The following PLXNA4 variants were observed in gnomAD, a reference collection of about 807,000 sequenced individuals.
PLXNA4 encodes the protein plexin A4.
In PLXNA4, 44 loss-of-function variants were observed where a neutral mutation model predicts 191.8. That is an observed-to-expected ratio of 0.23 (90% CI 0.18 to 0.29). The LOEUF (loss-of-function observed/expected upper bound fraction) is 0.29, where lower values mean the gene tolerates loss of function less well. Among genes scored for constraint, PLXNA4 ranks in the 10% least tolerant of loss-of-function variants. The probability of loss-of-function intolerance (pLI) is 1.00; values close to 1 mark genes in which losing one functional copy is unlikely to be tolerated. For missense variants in PLXNA4, 1,800 were observed against 2,488.8 expected, an observed-to-expected ratio of 0.72 and a Z score of 5.89; for synonymous variants, 1,082 against 1,009.5, an observed-to-expected ratio of 1.07 and a Z score of -1.36.
intron 10 of PLXNA4, among the ~76,000 whole-genome samples, chr7:132,205,400 A>G (rs755141456): frequency 2.6e-5 from 4 of 152,188 alleles, no homozygotes; most frequent in African/African-American, 4.8e-5. Context: ...TTAAAGTTAG[A>G]GAATCCCTGC....
At chr7:132,390,542 A>G (rs1011001552) in intron 3 of PLXNA4, among the ~76,000 whole-genome samples, 2 of 152,138 alleles carry the variant, frequency 1.3e-5, no homozygotes, top group Non-Finnish European at 2.9e-5. Context: ...TTCTGCATAT[A>G]TACCCCAGAA....
At chr7:132,368,571 T>C (rs1804289655) in intron 3 of PLXNA4, among the ~76,000 whole-genome samples, 2 of 152,166 alleles carry the variant, frequency 1.3e-5, no homozygotes, top group Non-Finnish European at 2.9e-5. Flanking sequence ...ACCTGGAGTG[T>C]CTAGAGTGGG....
At chr7:132,592,846 T>G (rs1802625534) in intron 2 of PLXNA4, among the ~76,000 whole-genome samples, 1 of 151,766 alleles carries the variant, frequency 6.6e-6, no homozygotes, top group South Asian at 2.1e-4. Context: ...GTGCCTTTTT[T>G]TTTCCAGAAG....
intron 3 of PLXNA4, among the ~76,000 whole-genome samples, chr7:132,362,612 C>T (rs1803992268): frequency 1.3e-5 from 2 of 152,070 alleles, no homozygotes; most frequent in African/African-American, 2.4e-5. Flanking sequence ...GTATAGTGAC[C>T]CGTTAACTGA....
At chr7:132,294,929 C>T (rs192395297) in intron 4 of PLXNA4, among the ~76,000 whole-genome samples, 177 of 152,330 alleles carry the variant, frequency 1.2e-3, no homozygotes, top group Non-Finnish European at 2.2e-3. Context: ...ACCAGCCCTG[C>T]TGACACTGTG....
At chr7:132,235,647 T>C (rs900073495) in intron 5 of PLXNA4, among the ~76,000 whole-genome samples, 22 of 152,186 alleles carry the variant, frequency 1.4e-4, no homozygotes, top group Non-Finnish European at 2.1e-4. Flanking sequence ...GTGATGCTGA[T>C]GACTTTTCTT....
At chr7:132,627,149 T>C (rs1399568745) in intron 2 of PLXNA4, among the ~76,000 whole-genome samples, 2 of 152,222 alleles carry the variant, frequency 1.3e-5, no homozygotes, top group African/African-American at 4.8e-5. Flanking sequence ...ATATAACTCA[T>C]GGCTCATAAA....
chr7:132,300,279 C>T (rs1053895187), intron 3 of PLXNA4, among the ~76,000 whole-genome samples: 7 of 152,080 alleles, frequency 4.6e-5, no homozygotes, highest in African/African-American at 1.7e-4. Flanking sequence ...AGAGTCCTTG[C>T]TCCCAGAGGG....
chr7:132,343,567 T>A (rs554827869), intron 3 of PLXNA4, among the ~76,000 whole-genome samples: 1 of 152,354 alleles, frequency 6.6e-6, no homozygotes, highest in African/African-American at 2.4e-5. Flanking sequence ...GCCCCCTGGC[T>A]TAAAGTCACA....
intron 2 of PLXNA4, among the ~76,000 whole-genome samples, chr7:132,639,264 C>A (rs920601129): frequency 6.6e-6 from 1 of 152,172 alleles, no homozygotes; most frequent in Non-Finnish European, 1.5e-5. Context: ...AGTCCTTAGG[C>A]CTTTGTGCTA....
At chr7:132,510,288 G>T (rs1300535882) in intron 1 of PLXNA4, among the ~76,000 whole-genome samples, 1 of 152,222 alleles carries the variant, frequency 6.6e-6, no homozygotes, top group Non-Finnish European at 1.5e-5. Flanking sequence ...CGCTAGGTCA[G>T]ATGGAAACCA....
At chr7:132,279,232 G>A (rs186813753) in intron 4 of PLXNA4, among the ~76,000 whole-genome samples, 16 of 152,302 alleles carry the variant, frequency 1.1e-4, no homozygotes, top group African/African-American at 3.4e-4. Flanking sequence ...AAGATACCTT[G>A]TTCCCTCTGG....
chr7:132,459,448 A>T (rs1407623834), intron 3 of PLXNA4, among the ~76,000 whole-genome samples: 1 of 152,222 alleles, frequency 6.6e-6, no homozygotes, highest in Non-Finnish European at 1.5e-5. Context: ...GAGGAACCCC[A>T]GGGAAAGACC....
chr7:132,648,065 GCACA>G (rs774958712), intron 1 of PLXNA4, among the ~76,000 whole-genome samples: 3 of 151,270 alleles, frequency 2.0e-5, no homozygotes, highest in Non-Finnish European at 4.4e-5. Context: ...ATACACTCAT[GCACA>G]CACACAAACT....
At chr7:132,318,258 G>A (rs1802022393) in intron 3 of PLXNA4, among the ~76,000 whole-genome samples, 1 of 152,178 alleles carries the variant, frequency 6.6e-6, no homozygotes, top group African/African-American at 2.4e-5. Context: ...TCACCCTTCT[G>A]AGCACCAGAG....
At chr7:132,386,614 G>T (rs1284236734) in intron 3 of PLXNA4, among the ~76,000 whole-genome samples, 1 of 152,188 alleles carries the variant, frequency 6.6e-6, no homozygotes, top group Non-Finnish European at 1.5e-5. Flanking sequence ...GAGGCTCTCT[G>T]GCTGCCTCTC....
chr7:132,327,537 G>A (rs1428317133), intron 3 of PLXNA4, among the ~76,000 whole-genome samples: 1 of 152,082 alleles, frequency 6.6e-6, no homozygotes, highest in East Asian at 1.9e-4. Context: ...TGTCTGCCTG[G>A]AAAGCTAGGT....
rs1266838566 is a variant in PLXNA4, at chr7:132,380,727, CA to C, written c.1372-82506del. On this transcript the variant is annotated intron_variant, in intron 3 of 31. Coordinates refer to ENST00000321063, the MANE Select transcript of PLXNA4 (RefSeq NM_020911.2). ...AGTCAAAACAGATGATGCTTTAGAG[CA>C]GTAGTTTCCAAACCCTATCACCCAA... is the stretch of plus-strand genomic sequence containing the variant. 3.9e-5 allele frequency among the ~76,000 whole-genome samples: 6 copies of C among 152,318 alleles called. No individual in the cohort carries two copies. In the East Asian group the frequency reaches 1.2e-3, roughly 29 times the overall value.
chr7:132,446,810 C>T (rs964963845), intron 3 of PLXNA4, among the ~76,000 whole-genome samples: 1 of 152,126 alleles, frequency 6.6e-6, no homozygotes, highest in African/African-American at 2.4e-5. Context: ...AACTAGTAAG[C>T]GGTAGATCTG....
Sources: allele counts gnomAD v4.1 joint callset (sites outside exome capture counted in the v4.1 genomes callset), GRCh38; gene constraint gnomAD v4.1.1; transcripts MANE v1.5; gene names NCBI Gene and HGNC (gene_info 2026-07-23, HGNC 2026-07-21).